The following HNF4G variants were observed in gnomAD, a reference collection of about 807,000 sequenced individuals.
HNF4G encodes hepatocyte nuclear factor 4-gamma.
A neutral mutation model predicts 50.9 loss-of-function variants in HNF4G; 21 were observed. The observed-to-expected ratio is 0.41, with a 90% CI of 0.29 to 0.59. The LOEUF is 0.59. HNF4G is among the 20% of genes least tolerant of loss of function. The pLI, the probability that HNF4G is intolerant of heterozygous loss-of-function variation, is 0.26. For synonymous variants in HNF4G, 198 were observed against 185.6 expected (o/e 1.07, Z -0.54); for missense variants, 527 against 559.4 (o/e 0.94, Z 0.58).
intron 1 of HNF4G, among the ~76,000 whole-genome samples, chr8:75,441,312 C>A (rs993368880): frequency 7.3e-5 from 11 of 151,146 alleles, no homozygotes; most frequent in Admixed American, 3.3e-4. Flanking sequence ...ATGGCACAGT[C>A]TCTGCACACT....
rs754904900 is a variant in HNF4G, at chr8:75,543,852, G to A, written c.160G>A (p.Gly54Ser). Residue 54 changes from glycine (G) to serine (S), a missense_variant, in exon 2 of 10, where the codon GGT (glycine) becomes AGT (serine). Physicochemically the swap from Gly to Ser is moderately conservative, Grantham distance 56. Transcript: ENST00000396423. ...GACAAGTATGAATACCACAGACAAC[G>A]GTGTCAACTGTCTGTGTGCTATCTG... ...PETSMNTTDN[G>S]VNCLCAICGD... The A allele has an allele frequency of 1.9e-6, 3 of 1,612,890 alleles. No homozygotes were observed. Among genetic ancestry groups the A allele is most frequent in the Admixed American group, 1.7e-5 (1 of 59,758 alleles).
At chr8:75,428,694 G>A (rs1400163348) in intron 1 of HNF4G, among the ~76,000 whole-genome samples, 1 of 152,162 alleles carries the variant, frequency 6.6e-6, no homozygotes. Context: ...TGAACATGAA[G>A]AAAATAAAGA....
intron 1 of HNF4G, among the ~76,000 whole-genome samples, chr8:75,488,413 A>T (rs1259426912): frequency 6.6e-6 from 1 of 151,462 alleles, no homozygotes; most frequent in African/African-American, 2.4e-5. Flanking sequence ...TGCCGGGACT[A>T]CAGGCGTGTG....
intron 1 of HNF4G, among the ~76,000 whole-genome samples, chr8:75,471,553 G>A (rs772946823): frequency 1.3e-5 from 2 of 152,190 alleles, no homozygotes; most frequent in Non-Finnish European, 2.9e-5. Context: ...CTGAAAGTAA[G>A]TAGTGGAACT....
chr8:75,511,543 A>G (rs1170205359), intron 2 of HNF4G, among the ~76,000 whole-genome samples: 1 of 152,250 alleles, frequency 6.6e-6, no homozygotes, highest in Non-Finnish European at 1.5e-5. Flanking sequence ...CAGTGTTGAC[A>G]TCCATGAGTA....
chr8:75,538,463 A>G (rs1806528089), upstream of HNF4G, among the ~76,000 whole-genome samples: 1 of 152,144 alleles, frequency 6.6e-6, no homozygotes, highest in African/African-American at 2.4e-5. Flanking sequence ...CACTCCCGTC[A>G]GTGACATCCC....
intron 1 of HNF4G, among the ~76,000 whole-genome samples, chr8:75,481,457 C>T (rs1262728406): frequency 6.6e-6 from 1 of 151,742 alleles, no homozygotes; most frequent in Non-Finnish European, 1.5e-5. Context: ...CAGGAAAAAA[C>T]TTTCGTTCCC....
At chr8:75,433,952 C>G (rs953741015) in intron 1 of HNF4G, among the ~76,000 whole-genome samples, 2 of 150,108 alleles carry the variant, frequency 1.3e-5, no homozygotes, top group African/African-American at 4.9e-5. Flanking sequence ...TAAGAACCCT[C>G]TAGTTTGAAA....
At chr8:75,433,826 A>G (rs17303366) in intron 1 of HNF4G, among the ~76,000 whole-genome samples, 8,980 of 152,246 alleles carry the variant, frequency 0.059, 339 homozygotes, top group South Asian at 0.089. Context: ...CAATTCTAAT[A>G]TTGACCAGCC....
chr8:75,435,431 C>A (rs763864924), intron 1 of HNF4G, among the ~76,000 whole-genome samples: 10 of 152,156 alleles, frequency 6.6e-5, no homozygotes, highest in Admixed American at 1.3e-4. Context: ...AGCTATCGAA[C>A]TTTTTTACTA....
At chr8:75,463,368 A>G (rs1225218699) in intron 1 of HNF4G, among the ~76,000 whole-genome samples, 1 of 151,980 alleles carries the variant, frequency 6.6e-6, no homozygotes, top group Non-Finnish European at 1.5e-5. Context: ...GGAACTCCTA[A>G]CTGTTGGGTT....
intron 1 of HNF4G, among the ~76,000 whole-genome samples, chr8:75,429,163 G>A (rs1810951594): frequency 6.6e-6 from 1 of 152,102 alleles, no homozygotes; most frequent in Non-Finnish European, 1.5e-5. Context: ...ATCACAGAGA[G>A]AGAATATAGG....
At chr8:75,455,533 G>A (rs903653185) in intron 1 of HNF4G, among the ~76,000 whole-genome samples, 5 of 152,102 alleles carry the variant, frequency 3.3e-5, no homozygotes, top group African/African-American at 1.2e-4. Flanking sequence ...TGTTATGCAT[G>A]AACTTGGGGA....
chr8:75,557,370 A>C (rs1048533072), intron 6 of HNF4G, among the ~76,000 whole-genome samples: 1 of 152,228 alleles, frequency 6.6e-6, no homozygotes, highest in Non-Finnish European at 1.5e-5. Context: ...CTGTAATCCC[A>C]GCACTTTGGG....
chr8:75,517,157 C>G (rs1303390780), intron 2 of HNF4G, among the ~76,000 whole-genome samples: 4 of 152,066 alleles, frequency 2.6e-5, no homozygotes. Flanking sequence ...AAAGACCCAC[C>G]CCATGTATCA....
At position 75,472,911 on chromosome 8, in the gene HNF4G, C is replaced by T. The variant is rs73343072; in HGVS notation, c.-143-17178C>T. ...TAAATGAGATGTAAATGAACCAGTC[C>T]TAGAAAAAGGGCAAGGGTTTAGAAA... On this transcript the variant is annotated intron_variant, in intron 1 of 10. Transcript: ENST00000354370. Among the ~76,000 whole-genome samples, 1,061 of 151,978 alleles carry T rather than the reference C, an allele frequency of 7.0e-3. 11 individuals carry two copies. Among genetic ancestry groups the T allele is most frequent in the African/African-American group, 0.024 (1,009 of 41,424 alleles).
At chr8:75,463,306 T>C (rs1208955682) in intron 1 of HNF4G, among the ~76,000 whole-genome samples, 6 of 152,166 alleles carry the variant, frequency 3.9e-5, no homozygotes, top group Admixed American at 1.3e-4. Flanking sequence ...AGTTATGATA[T>C]AAAGTATCAC....
At chr8:75,408,295 T>C (rs927334662) in intron 1 of HNF4G, 7 of 152,306 alleles carry the variant, frequency 4.6e-5, no homozygotes, top group African/African-American at 9.7e-5. Context: ...TTTGTTTGGG[T>C]GCAGAGAAAG....
chr8:75,479,960 T>C (rs1812336121), intron 1 of HNF4G, among the ~76,000 whole-genome samples: 3 of 146,110 alleles, frequency 2.1e-5, no homozygotes, highest in Admixed American at 2.0e-4. Flanking sequence ...TTATGATTTA[T>C]ATAACAGGAA....
Sources: allele counts gnomAD v4.1 joint callset (sites outside exome capture counted in the v4.1 genomes callset), GRCh38; gene constraint gnomAD v4.1.1; transcripts MANE v1.5; gene names NCBI Gene and HGNC (gene_info 2026-07-23, HGNC 2026-07-21).